Variants in ACO1 observed in about 807,000 individuals in gnomAD.
ACO1 encodes the protein cytoplasmic aconitate hydratase.
ACO1 carries 78 observed loss-of-function variants against 105.1 expected under a neutral mutation model. The observed-to-expected ratio is 0.74, with a 90% CI of 0.62 to 0.90. ACO1 has a LOEUF of 0.90. ACO1 is among the 40% of genes least tolerant of loss of function. The probability of loss-of-function intolerance (pLI) is 0.00; values close to 1 mark genes in which losing one functional copy is unlikely to be tolerated. For missense variants in ACO1, 965 were observed against 1,111.1 expected, an observed-to-expected ratio of 0.87 and a Z score of 1.87; for synonymous variants, 364 against 397.4, an observed-to-expected ratio of 0.92 and a Z score of 1.00.
At chr9:32,409,902 T>G (rs1821698782) in intron 4 of ACO1, among the ~76,000 whole-genome samples, 1 of 152,132 alleles carries the variant, frequency 6.6e-6, no homozygotes, top group South Asian at 2.1e-4. Context: ...AGTTGTGAAC[T>G]AGCAACTTAG....
intron 1 of ACO1, among the ~76,000 whole-genome samples, chr9:32,394,537 G>T (rs1821332702): frequency 6.6e-6 from 1 of 151,780 alleles, no homozygotes; most frequent in Non-Finnish European, 1.5e-5. Context: ...TTTAGTATTT[G>T]TCACTCCTTC....
At chr9:32,399,265 G>T (rs1196165343) in intron 1 of ACO1, among the ~76,000 whole-genome samples, 2 of 152,202 alleles carry the variant, frequency 1.3e-5, no homozygotes, top group South Asian at 2.1e-4. Context: ...GGTCATCTTA[G>T]TGTTACTCAG....
In ACO1 at chr9:32,416,634, A is replaced by C. The variant is rs528438174; in HGVS notation, c.405-1494A>C. Reference sequence around the variant, plus strand: ...TCTTTTGCCATTGCCCTTTCACCAGACTCAGAGTGCCAGTGGGCAGTGAGC... The same window carrying C: ...TCTTTTGCCATTGCCCTTTCACCAGCCTCAGAGTGCCAGTGGGCAGTGAGC... On this transcript the variant is annotated intron_variant, in intron 4 of 20. Transcript: ENST00000309951. Among the ~76,000 whole-genome samples the C allele has an allele frequency of 2.3e-3, 346 of 152,104 alleles. 1 individual carries two copies. The highest frequency in any genetic ancestry group is 3.4e-3 in the Middle Eastern group (1 of 294).
At chr9:32,428,935 C>T (rs1484002163) in intron 12 of ACO1, among the ~76,000 whole-genome samples, 1 of 152,142 alleles carries the variant, frequency 6.6e-6, no homozygotes, top group Non-Finnish European at 1.5e-5. Flanking sequence ...GCTACAACAT[C>T]ACTAGGTGAT....
At chr9:32,434,778 C>A in intron 17 of ACO1, 77 bp downstream of exon 17, 1 of 1,537,542 alleles carries the variant, frequency 6.5e-7, no homozygotes, top group Admixed American at 1.8e-5. Flanking sequence ...TTTCTCTTTT[C>A]ACCTGGCCCT....
intron 1 of ACO1, among the ~76,000 whole-genome samples, chr9:32,396,441 G>T (rs1284771803): frequency 6.6e-6 from 1 of 152,164 alleles, no homozygotes; most frequent in Non-Finnish European, 1.5e-5. Flanking sequence ...CATGTGGTCT[G>T]GCCGCTACTA....
chr9:32,423,195 G>C lies in ACO1; in HGVS notation c.971-124G>C, dbSNP rs549964944. ...AAGCCTAAAAATTGACAGAGCTGTT[G>C]GTGTGTGTGTAAGTGCAGCGTATGT... On this transcript the variant is annotated intron_variant, in intron 8 of 20. Coordinates refer to ENST00000309951, the MANE Select transcript of ACO1 (RefSeq NM_002197.3). 329 of 545,604 alleles carry C rather than the reference G, an allele frequency of 6.0e-4. 5 individuals carry two copies. In the South Asian group the frequency reaches 8.5e-3, roughly 14 times the overall value. The allele number at this position is 545,604 out of a possible 1,614,324, so 33.8% of individuals were successfully genotyped here.
chr9:32,427,179 G>A (rs548673039), intron 11 of ACO1, 122 bp from the exon 12 acceptor site: 2 of 1,242,896 alleles, frequency 1.6e-6, no homozygotes, highest in East Asian at 2.6e-5. Flanking sequence ...CCAACATGAA[G>A]GGAGCGTGGT....
chr9:32,400,034 G>A (rs991200323), intron 1 of ACO1, among the ~76,000 whole-genome samples: 6 of 129,050 alleles, frequency 4.6e-5, no homozygotes, highest in African/African-American at 6.2e-5. Context: ...GCAATGGCAC[G>A]ATCTTGGTTC....
chr9:32,408,474 T>A (rs1821662507), intron 3 of ACO1, 40 bp from the exon 4 acceptor site: 1 of 1,611,614 alleles, frequency 6.2e-7, no homozygotes, highest in Non-Finnish European at 8.5e-7. Flanking sequence ...TTACACACAT[T>A]TAAGGCTTAT....
At chr9:32,423,273 G>C (rs1822015296) in intron 8 of ACO1, 46 bp from the exon 9 acceptor site, 1 of 1,157,920 alleles carries the variant, frequency 8.6e-7, no homozygotes, top group Admixed American at 2.4e-5. Flanking sequence ...CTTCAACCAG[G>C]AAATACTAAC....
intron 2 of ACO1, among the ~76,000 whole-genome samples, chr9:32,405,999 C>T (rs1231287340): frequency 4.6e-5 from 7 of 152,144 alleles, no homozygotes; most frequent in Admixed American, 2.6e-4. Flanking sequence ...TTCCAAATTC[C>T]GTCCTTTTTC....
intron 4 of ACO1, among the ~76,000 whole-genome samples, chr9:32,413,260 T>C (rs1390298764): frequency 1.3e-5 from 2 of 151,932 alleles, no homozygotes; most frequent in East Asian, 3.9e-4. Context: ...CCAAGGCAGG[T>C]GGATCACGAG....
At position 32,407,357 on chromosome 9, in the gene ACO1, A is replaced by C; in HGVS notation, c.194A>C (p.His65Pro). Residue 65 changes from histidine to proline, a missense_variant, in exon 3 of 21, where the codon CAT (histidine) becomes CCT (proline). Coordinates refer to ENST00000309951, the MANE Select transcript of ACO1 (RefSeq NM_002197.3). ...AAACAGGATATTGAAAATATTCTAC[A>C]TTGGAATGTCACGCAGCACAAGAAC... Reference protein sequence around the residue: ...VKKQDIENILHWNVTQHKNIE... With the variant: ...VKKQDIENILPWNVTQHKNIE... 6.2e-7 allele frequency: 1 copy of C among 1,614,186 alleles called. No individual in the cohort carries two copies. Among genetic ancestry groups the C allele is most frequent in the South Asian group, 1.1e-5 (1 of 91,084 alleles).
intron 1 of ACO1, among the ~76,000 whole-genome samples, chr9:32,402,449 G>A (rs578045980): frequency 6.6e-6 from 1 of 152,216 alleles, no homozygotes. Context: ...CAAGAACAAA[G>A]TAGCAGGAGG....
rs1168488513 is a variant in ACO1, at chr9:32,450,157, A to C, written c.*46A>C. ...CGCCCAGGGAGGAAGCCGCACCACC[A>C]GCCAGCGCAGGCCCTGGTGGAGAGG... is the stretch of plus-strand genomic sequence containing the variant. On this transcript the variant is annotated 3_prime_UTR_variant, in exon 21 of 21. Coordinates refer to ENST00000309951, the MANE Select transcript of ACO1 (RefSeq NM_002197.3). 1 of 1,496,226 alleles carries C rather than the reference A, an allele frequency of 6.7e-7. No homozygotes were observed. Among genetic ancestry groups the C allele is most frequent in the Non-Finnish European group, 9.3e-7 (1 of 1,074,436 alleles). The allele number at this position is 1,496,226 out of a possible 1,614,324, so 92.7% of individuals were successfully genotyped here.
intron 4 of ACO1, among the ~76,000 whole-genome samples, chr9:32,415,141 T>C (rs1472567760): frequency 6.6e-6 from 1 of 152,160 alleles, no homozygotes; most frequent in East Asian, 1.9e-4. Flanking sequence ...TAGCTGAAGC[T>C]GAGAGCTTGG....
chr9:32,418,050 G>C, intron 4 of ACO1, 78 bp from the exon 5 acceptor site: 1 of 1,309,826 alleles, frequency 7.6e-7, no homozygotes. Context: ...ATTCCATTTT[G>C]TTTCTTCATC....
At position 32,436,287 on chromosome 9, in the gene ACO1, C is replaced by T. The variant is rs758109603; in HGVS notation, c.2137C>T (p.Arg713Ter). The stretch of plus-strand genomic sequence containing the variant: ...AGAATTCAACTCCTATGGCTCCCGC[C>T]GAGGTAATGACGCCGTCATGGCACG... ...PREFNSYGSR[R>*]GNDAVMARGT... Residue 713 changes from arginine to a stop codon, truncating the protein, a stop_gained, in exon 18 of 21, where the codon CGA (arginine) becomes TGA (stop). Transcript: ENST00000309951. LOFTEE classifies it high-confidence loss of function. 18 of 1,614,166 alleles carry T rather than the reference C, an allele frequency of 1.1e-5. No homozygotes were observed. Among genetic ancestry groups the T allele is most frequent in the East Asian group, 6.7e-5 (3 of 44,884 alleles).
Sources: gnomAD v4.1 joint callset for allele counts (sites outside exome capture counted in the v4.1 genomes callset) on GRCh38, gnomAD v4.1.1 for gene constraint, MANE v1.5 for transcripts, NCBI Gene and HGNC (gene_info 2026-07-23, HGNC 2026-07-21) for gene names.